Variants in MAPK4 observed in about 807,000 individuals in gnomAD.
The protein encoded by MAPK4 is Erk3-related.
MAPK4 carries 22 observed loss-of-function variants against 47.7 expected under a neutral mutation model. The ratio of observed to expected loss-of-function variants is 0.46; its 90% CI spans 0.33 to 0.66. The LOEUF is 0.66. Ranked by LOEUF, MAPK4 falls within the 30% of genes least tolerant of loss-of-function variation. MAPK4 has a pLI of 0.02. For synonymous variants in MAPK4, 390 were observed against 365.7 expected, an observed-to-expected ratio of 1.07 and a Z score of -0.76; for missense variants, 736 against 831.7, an observed-to-expected ratio of 0.88 and a Z score of 1.42.
chr18:50,647,448 C>G (rs777868125), intron 1 of MAPK4, among the ~76,000 whole-genome samples: 2 of 152,096 alleles, frequency 1.3e-5, no homozygotes, highest in African/African-American at 4.8e-5. Context: ...GATCTGAAAG[C>G]CTGGAGAAGA....
chr18:50,561,871 A>G (rs1283043780), intron 1 of MAPK4, among the ~76,000 whole-genome samples: 1 of 152,212 alleles, frequency 6.6e-6, no homozygotes, highest in Non-Finnish European at 1.5e-5. Flanking sequence ...TGCATAAAGC[A>G]CCATGGAGTT....
At chr18:50,656,159 A>G (rs1252564299) in intron 1 of MAPK4, among the ~76,000 whole-genome samples, 1 of 152,172 alleles carries the variant, frequency 6.6e-6, no homozygotes, top group African/African-American at 2.4e-5. Flanking sequence ...CTTCCTCTCC[A>G]TTAGTTAGCT....
chr18:50,635,341 A>G (rs975181704), intron 1 of MAPK4, among the ~76,000 whole-genome samples: 26 of 152,014 alleles, frequency 1.7e-4, no homozygotes, highest in African/African-American at 4.8e-4. Context: ...CACCCCCAAC[A>G]TTCGGGCCCT....
intron 1 of MAPK4, among the ~76,000 whole-genome samples, chr18:50,570,678 G>A (rs1292826991): frequency 6.6e-6 from 1 of 152,096 alleles, no homozygotes; most frequent in Non-Finnish European, 1.5e-5. Flanking sequence ...CTAAGGTTTG[G>A]AGCTTTATGA....
At chr18:50,577,695 T>C (rs2042309906) in intron 1 of MAPK4, among the ~76,000 whole-genome samples, 2 of 152,200 alleles carry the variant, frequency 1.3e-5, no homozygotes, top group Admixed American at 6.5e-5. Flanking sequence ...TTTGGGCATT[T>C]CTGGTTCTTT....
At chr18:50,691,118 A>G (rs1442594040) in intron 2 of MAPK4, among the ~76,000 whole-genome samples, 2 of 152,014 alleles carry the variant, frequency 1.3e-5, no homozygotes, top group East Asian at 1.9e-4. Context: ...TCAGCCTCCC[A>G]TGTAGCTTGG....
At chr18:50,588,979 C>T (rs1191984466) in intron 1 of MAPK4, among the ~76,000 whole-genome samples, 1 of 152,198 alleles carries the variant, frequency 6.6e-6, no homozygotes, top group African/African-American at 2.4e-5. Flanking sequence ...CTAAGAGAAA[C>T]TCAGACTTTT....
chr18:50,609,251 G>T (rs1047670732), intron 1 of MAPK4, among the ~76,000 whole-genome samples: 1 of 151,802 alleles, frequency 6.6e-6, no homozygotes, highest in Non-Finnish European at 1.5e-5. Context: ...CCCACACGGG[G>T]TGGCGGCCGG....
At chr18:50,713,005 T>C (rs1415368655) in intron 2 of MAPK4, among the ~76,000 whole-genome samples, 3 of 152,240 alleles carry the variant, frequency 2.0e-5, no homozygotes, top group Non-Finnish European at 2.9e-5. Context: ...GAGTCTCAGA[T>C]GCATTGTGCT....
intron 1 of MAPK4, among the ~76,000 whole-genome samples, chr18:50,646,471 G>T (rs1338220380): frequency 3.9e-5 from 6 of 152,156 alleles, no homozygotes; most frequent in Admixed American, 2.0e-4. Flanking sequence ...CCCGAGTGAG[G>T]GATCCCACTG....
intron 2 of MAPK4, among the ~76,000 whole-genome samples, chr18:50,694,312 A>AGGCACGT (rs1367809277): frequency 6.6e-6 from 1 of 152,098 alleles, no homozygotes; most frequent in Non-Finnish European, 1.5e-5. Context: ...CAGGCCACCC[A>AGGCACGT]GGGCCATTAC....
At chr18:50,646,285 A>T (rs1006946927) in intron 1 of MAPK4, among the ~76,000 whole-genome samples, 44 of 152,116 alleles carry the variant, frequency 2.9e-4, no homozygotes, top group Admixed American at 2.4e-3. Flanking sequence ...CTCTTCCTCC[A>T]TGGGCCTTTG....
intron 1 of MAPK4, among the ~76,000 whole-genome samples, chr18:50,604,051 C>T (rs1420941343): frequency 1.3e-5 from 2 of 152,122 alleles, no homozygotes; most frequent in Non-Finnish European, 2.9e-5. Flanking sequence ...CAAGGAGTGA[C>T]TGCTGATAGT....
chr18:50,617,704 AGGCTTCTG>A (rs1398427172), intron 1 of MAPK4, among the ~76,000 whole-genome samples: 1 of 152,202 alleles, frequency 6.6e-6, no homozygotes, highest in Non-Finnish European at 1.5e-5. Flanking sequence ...GAAATGTGAC[AGGCTTCTG>A]ATCCTCCCAC....
At chr18:50,561,782 G>A (rs888786305) in intron 1 of MAPK4, among the ~76,000 whole-genome samples, 1 of 152,202 alleles carries the variant, frequency 6.6e-6, no homozygotes, top group Admixed American at 6.5e-5. Context: ...TCAGACAGGA[G>A]CAGGGCTGAA....
chr18:50,715,216 C>A lies in MAPK4; in HGVS notation c.684C>A (p.Leu228=), dbSNP rs896177349. The A allele has an allele frequency of 6.2e-7, 1 of 1,613,702 alleles. No homozygotes were observed. Among genetic ancestry groups the A allele is most frequent in the Admixed American group, 1.7e-5 (1 of 59,910 alleles). ...ILAEMLTGRM[L]FAGAHELEQM... is the part of the protein sequence containing the mutation. ...CTGAGATGCTTACGGGGAGAATGCT[C>A]TTTGCTGGTGAGTTGCTAACTATGC... The change falls in exon 3 of 6, where the codon CTC becomes CTA. Residue 228 remains leucine, a synonymous_variant. Coordinates refer to ENST00000400384, the MANE Select transcript of MAPK4 (RefSeq NM_002747.4).
chr18:50,718,767 AT>A (rs927846721), intron 3 of MAPK4, among the ~76,000 whole-genome samples: 2 of 152,152 alleles, frequency 1.3e-5, no homozygotes, highest in Admixed American at 1.3e-4. Flanking sequence ...TTATATGTTA[AT>A]GTAACATTAA....
At chr18:50,690,310 A>C (rs974127789) in intron 2 of MAPK4, among the ~76,000 whole-genome samples, 1 of 152,182 alleles carries the variant, frequency 6.6e-6, no homozygotes. Flanking sequence ...TTATATTTCT[A>C]ACCTACTCCC....
intron 2 of MAPK4, among the ~76,000 whole-genome samples, chr18:50,674,040 G>A (rs972416167): frequency 6.6e-6 from 1 of 152,096 alleles, no homozygotes; most frequent in Non-Finnish European, 1.5e-5. Context: ...AATGAAGTGG[G>A]AGGGCCTCGG....
Sources: allele counts gnomAD v4.1 joint callset (sites outside exome capture counted in the v4.1 genomes callset), GRCh38; gene constraint gnomAD v4.1.1; transcripts MANE v1.5; gene names NCBI Gene and HGNC (gene_info 2026-07-23, HGNC 2026-07-21).